The following TIAM1 variants were observed in gnomAD, a reference collection of about 807,000 sequenced individuals.
TIAM1 encodes the protein rho guanine nucleotide exchange factor TIAM1.
In TIAM1, 65 loss-of-function variants were observed where a neutral mutation model predicts 163.5. The observed-to-expected ratio is 0.40, with a 90% confidence interval of 0.33 to 0.49. TIAM1 has a LOEUF of 0.49. Among genes scored for constraint, TIAM1 ranks in the 20% least tolerant of loss-of-function variants. The pLI is 0.77. For synonymous variants in TIAM1, 833 were observed against 810.1 expected, an observed-to-expected ratio of 1.03 and a Z score of -0.48; for missense variants, 1,789 against 2,044.7, an observed-to-expected ratio of 0.87 and a Z score of 2.41.
intron 13 of TIAM1, among the ~76,000 whole-genome samples, 196 bp from the exon 14 acceptor site, chr21:31,187,283 A>C (rs2085347606): frequency 6.6e-6 from 1 of 152,228 alleles, no homozygotes; most frequent in Non-Finnish European, 1.5e-5. Flanking sequence ...AAAAATAAAG[A>C]TTACTATGTA....
At chr21:31,130,068 A>C (rs1160456761) in intron 25 of TIAM1, 145 bp downstream of exon 25, 1 of 624,732 alleles carries the variant, frequency 1.6e-6, no homozygotes, top group Non-Finnish European at 2.8e-6. Flanking sequence ...CAATAGAGAG[A>C]CCGAGAGACA....
At chr21:31,252,997 T>C (rs939277447) in intron 4 of TIAM1, among the ~76,000 whole-genome samples, 4 of 152,222 alleles carry the variant, frequency 2.6e-5, no homozygotes, top group Admixed American at 2.6e-4. Flanking sequence ...AGGGTATCAG[T>C]TCCCAGTTTA....
intron 2 of TIAM1, among the ~76,000 whole-genome samples, chr21:31,458,501 T>C (rs1444772844): frequency 6.6e-6 from 1 of 152,184 alleles, no homozygotes; most frequent in African/African-American, 2.4e-5. Context: ...AATATATATT[T>C]CTAAGTCTGA....
At chr21:31,455,562 G>A (rs1602322590) in intron 2 of TIAM1, among the ~76,000 whole-genome samples, 1 of 151,958 alleles carries the variant, frequency 6.6e-6, no homozygotes, top group Non-Finnish European at 1.5e-5. Context: ...ACAGGCACCT[G>A]CCATGACGCC....
intron 23 of TIAM1, among the ~76,000 whole-genome samples, chr21:31,135,162 AG>A (rs1246466571): frequency 6.6e-6 from 1 of 152,226 alleles, no homozygotes; most frequent in African/African-American, 2.4e-5. Flanking sequence ...CTAAAACAAA[AG>A]CATGGAGTGT....
intron 2 of TIAM1, among the ~76,000 whole-genome samples, chr21:31,440,658 G>A (rs573552427): frequency 2.8e-4 from 42 of 152,234 alleles, no homozygotes; most frequent in African/African-American, 8.9e-4. Context: ...CGAGGCAGGC[G>A]GATCATGAGG....
chr21:31,441,780 G>A (rs1469321443), intron 2 of TIAM1, among the ~76,000 whole-genome samples: 1 of 151,640 alleles, frequency 6.6e-6, no homozygotes, highest in African/African-American at 2.4e-5. Context: ...TGAGCATGGT[G>A]GCTCATGCCT....
intron 2 of TIAM1, among the ~76,000 whole-genome samples, chr21:31,326,316 G>A (rs556247811): frequency 6.6e-6 from 1 of 152,316 alleles, no homozygotes; most frequent in African/African-American, 2.4e-5. Flanking sequence ...GCTCACCTGA[G>A]AGACTTTCTG....
At chr21:31,393,219 G>T (rs908167445) in intron 2 of TIAM1, among the ~76,000 whole-genome samples, 1 of 152,196 alleles carries the variant, frequency 6.6e-6, no homozygotes, top group African/African-American at 2.4e-5. Flanking sequence ...GCCTCCCAAA[G>T]TTCTGGGATT....
At chr21:31,499,566 A>C (rs1175631130) in intron 1 of TIAM1, among the ~76,000 whole-genome samples, 1 of 151,706 alleles carries the variant, frequency 6.6e-6, no homozygotes, top group Non-Finnish European at 1.5e-5. Context: ...ACTAAAAAAA[A>C]AAACGCTGAG....
At chr21:31,222,701 ATATATATTTT>A (rs2087658866) in intron 8 of TIAM1, among the ~76,000 whole-genome samples, 3 of 46,418 alleles carry the variant, frequency 6.5e-5, no homozygotes, top group Non-Finnish European at 1.1e-4. Flanking sequence ...ATATATATAT[ATATATATTTT>A]TTTTTTTTTT....
intron 2 of TIAM1, among the ~76,000 whole-genome samples, chr21:31,362,188 A>G (rs2076417906): frequency 6.6e-6 from 1 of 151,992 alleles, no homozygotes; most frequent in African/African-American, 2.4e-5. Context: ...TATACTCTTT[A>G]CTGTGACTTT....
chr21:31,301,973 G>GTA lies in TIAM1; in HGVS notation c.-188-25067_-188-25066dup, dbSNP rs999577210. Among the ~76,000 whole-genome samples the GTA allele has an allele frequency of 2.3e-4, 35 of 150,324 alleles. No homozygotes were observed. In the South Asian group the frequency reaches 4.0e-3, roughly 17 times the overall value. On this transcript the variant is annotated intron_variant, in intron 2 of 27. Coordinates refer to ENST00000541036, the MANE Select transcript of TIAM1 (RefSeq NM_001353694.2). ...AAAATGTGTGTGTATATATGTGTGCGTATATATATATGTGCATATATAAAA... is the reference window on the plus strand; with the variant it reads ...AAAATGTGTGTGTATATATGTGTGCGTATATATATATATGTGCATATATAAAA...
chr21:31,540,377 C>A (rs1369824896), intron 1 of TIAM1, among the ~76,000 whole-genome samples: 5 of 147,588 alleles, frequency 3.4e-5, no homozygotes, highest in Non-Finnish European at 7.4e-5. Context: ...AAGAGCAATA[C>A]TCCATCTCAA....
intron 22 of TIAM1, among the ~76,000 whole-genome samples, chr21:31,139,843 T>C (rs1175561952): frequency 6.6e-6 from 1 of 152,190 alleles, no homozygotes; most frequent in Non-Finnish European, 1.5e-5. Flanking sequence ...ACACTGTCTT[T>C]GAGAGCCTGT....
intron 4 of TIAM1, among the ~76,000 whole-genome samples, chr21:31,253,360 G>C (rs1172006075): frequency 6.6e-6 from 1 of 152,208 alleles, no homozygotes. Context: ...AAACTAACCA[G>C]ATATTCTGAA....
intron 2 of TIAM1, among the ~76,000 whole-genome samples, chr21:31,298,735 G>GTGT (rs2074382581): frequency 2.2e-5 from 3 of 138,482 alleles, no homozygotes; most frequent in Non-Finnish European, 4.6e-5. Flanking sequence ...TCCAATTGAG[G>GTGT]GTGTGTGTGT....
At chr21:31,128,368 T>C (rs986697323) in intron 25 of TIAM1, among the ~76,000 whole-genome samples, 2 of 152,152 alleles carry the variant, frequency 1.3e-5, no homozygotes, top group Non-Finnish European at 2.9e-5. Flanking sequence ...TTGACTTGAA[T>C]GAAAAATAGA....
At position 31,195,117 on chromosome 21, in the gene TIAM1, A is replaced by T. The variant is rs73191672; in HGVS notation, c.2575+107T>A. ...CCACAGAGCAGGAGCCAGATATACT[A>T]TCTGTTTTAGATAGGACTCAAAGGC... On this transcript the variant is annotated intron_variant, in intron 13 of 27. Transcript: ENST00000541036. The T allele has an allele frequency of 6.5e-3, 5,207 of 799,328 alleles. 42 individuals are homozygous for T. Among genetic ancestry groups the T allele is most frequent in the Middle Eastern group, 9.2e-3 (33 of 3,570 alleles). 49.5% of individuals were successfully genotyped at this position (799,328 alleles called of 1,614,324 possible).
Sources: gnomAD v4.1 joint callset for allele counts (sites outside exome capture counted in the v4.1 genomes callset) on GRCh38, gnomAD v4.1.1 for gene constraint, MANE v1.5 for transcripts, NCBI Gene and HGNC (gene_info 2026-07-23, HGNC 2026-07-21) for gene names.